Variants in DOCK9 observed in about 807,000 individuals in gnomAD.
DOCK9 encodes dedicator of cytokinesis protein 9.
In DOCK9, 89 loss-of-function variants were observed where a neutral mutation model predicts 263.3. That is an observed-to-expected ratio of 0.34 (90% CI 0.28 to 0.40). The LOEUF (loss-of-function observed/expected upper bound fraction) is 0.40, where lower values mean the gene tolerates loss of function less well. Ranked by LOEUF, DOCK9 falls within the 10% of genes least tolerant of loss-of-function variation. The pLI is 1.00. For missense variants in DOCK9, 2,140 were observed against 2,603.4 expected, an observed-to-expected ratio of 0.82 and a Z score of 3.87; for synonymous variants, 976 against 973.1, an observed-to-expected ratio of 1.00 and a Z score of -0.06.
chr13:98,846,843 A>G, intron 37 of DOCK9: 1 of 351,286 alleles, frequency 2.8e-6, no homozygotes, highest in Non-Finnish European at 5.6e-6. Context: ...GCAAACATGT[A>G]CAAGGTTCAC....
At chr13:98,796,988 TG>T in intron 52 of DOCK9, 126 bp downstream of exon 52, 1 of 964,892 alleles carries the variant, frequency 1.0e-6, no homozygotes. Context: ...GGCAGGAGTG[TG>T]GTATGCTACA....
chr13:98,944,185 C>A (rs1433182505), intron 2 of DOCK9, among the ~76,000 whole-genome samples: 10 of 152,090 alleles, frequency 6.6e-5, no homozygotes, highest in African/African-American at 2.4e-4. Flanking sequence ...TGATGGACTA[C>A]TGGGTTCATC....
At chr13:99,035,062 T>C (rs1022417009) in intron 1 of DOCK9, among the ~76,000 whole-genome samples, 2 of 152,252 alleles carry the variant, frequency 1.3e-5, no homozygotes, top group Non-Finnish European at 2.9e-5. Context: ...GAATCTGTGT[T>C]TCTGTCTTCT....
At chr13:99,066,352 CT>C (rs11358212) in intron 1 of DOCK9, among the ~76,000 whole-genome samples, 37,494 of 151,968 alleles carry the variant, frequency 0.25, 4,681 homozygotes, top group Middle Eastern at 0.35. Context: ...TAAAAAAAGA[CT>C]GAATTTTCTT....
At chr13:98,864,672 A>G (rs1229025448) in intron 30 of DOCK9, among the ~76,000 whole-genome samples, 1 of 152,142 alleles carries the variant, frequency 6.6e-6, no homozygotes, top group Non-Finnish European at 1.5e-5. Flanking sequence ...TCACACATCT[A>G]TGGTTGTGTG....
intron 18 of DOCK9, among the ~76,000 whole-genome samples, chr13:98,887,847 T>C (rs2138931141): frequency 6.6e-6 from 1 of 152,230 alleles, no homozygotes; most frequent in African/African-American, 2.4e-5. Context: ...ATTATTCATA[T>C]CCTAATTCTT....
chr13:98,964,146 G>A (rs1185708579), intron 1 of DOCK9, among the ~76,000 whole-genome samples: 1 of 152,194 alleles, frequency 6.6e-6, no homozygotes, highest in African/African-American at 2.4e-5. Flanking sequence ...GCAGTCAGAG[G>A]GAAGGCACAT....
chr13:98,858,414 G>A (rs1001429658), intron 33 of DOCK9: 1 of 152,124 alleles, frequency 6.6e-6, no homozygotes, highest in Non-Finnish European at 1.5e-5. Flanking sequence ...AAACTGTGAC[G>A]GCACATTCTC....
chr13:99,017,678 GGAA>G (rs1261576649), intron 1 of DOCK9, among the ~76,000 whole-genome samples: 9 of 152,092 alleles, frequency 5.9e-5, no homozygotes, highest in Admixed American at 4.6e-4. Context: ...GGACCACACT[GGAA>G]GAAGAATAAT....
rs143211566 is a variant in DOCK9, at chr13:99,070,284, A to G, written c.129+15939T>C. On this transcript the variant is annotated intron_variant, in intron 1 of 32. Coordinates refer to the DOCK9 transcript ENST00000427887. ...GTACAAACTTTCCTTCCAATATTCA[A>G]TGTATTTGCTTTTTCTTAATAGATT... is the stretch of plus-strand genomic sequence containing the variant. Among the ~76,000 whole-genome samples the G allele has an allele frequency of 4.9e-4, 75 of 152,298 alleles. 1 individual carries two copies. Among genetic ancestry groups the G allele is most frequent in the Non-Finnish European group, 1.0e-4 (7 of 68,016 alleles).
intron 1 of DOCK9, among the ~76,000 whole-genome samples, chr13:99,085,337 G>A (rs1310638062): frequency 6.6e-6 from 1 of 152,216 alleles, no homozygotes; most frequent in Non-Finnish European, 1.5e-5. Context: ...GCAACGCAAG[G>A]AGCTGCTAAA....
At chr13:99,069,583 T>C (rs529411034) in intron 1 of DOCK9, among the ~76,000 whole-genome samples, 9 of 152,360 alleles carry the variant, frequency 5.9e-5, no homozygotes, top group South Asian at 2.1e-4. Flanking sequence ...ATTTTGTTCT[T>C]GTCTTTATAA....
intron 1 of DOCK9, among the ~76,000 whole-genome samples, chr13:99,009,113 T>C (rs528963389): frequency 6.6e-6 from 1 of 152,328 alleles, no homozygotes; most frequent in East Asian, 1.9e-4. Context: ...TATACTTTAA[T>C]AAATATTAAA....
chr13:98,963,177 T>C (rs550658658), intron 1 of DOCK9, among the ~76,000 whole-genome samples: 8 of 152,110 alleles, frequency 5.3e-5, no homozygotes, highest in Non-Finnish European at 1.2e-4. Context: ...ACACCTCCCA[T>C]GGGGGCCAGA....
chr13:98,967,792 A>G (rs2059354927), intron 1 of DOCK9, among the ~76,000 whole-genome samples: 1 of 152,210 alleles, frequency 6.6e-6, no homozygotes, highest in Non-Finnish European at 1.5e-5. Context: ...TTCCACTTCA[A>G]AAATATTAAA....
At chr13:98,974,164 G>A (rs1472268180) in intron 1 of DOCK9, among the ~76,000 whole-genome samples, 1 of 152,136 alleles carries the variant, frequency 6.6e-6, no homozygotes, top group East Asian at 1.9e-4. Context: ...GAGTTTTGAA[G>A]GGGGGTGGCG....
At chr13:98,815,910 TC>T (rs2091801725) in intron 45 of DOCK9, among the ~76,000 whole-genome samples, 1 of 152,200 alleles carries the variant, frequency 6.6e-6, no homozygotes. Context: ...GAGTCTTAAC[TC>T]CACGCCATAC....
chr13:98,850,972 G>T (rs528339594), intron 35 of DOCK9, among the ~76,000 whole-genome samples: 31 of 152,296 alleles, frequency 2.0e-4, no homozygotes, highest in African/African-American at 7.0e-4. Flanking sequence ...AAGCAGAGAC[G>T]GTGGCTATGG....
upstream of DOCK9, among the ~76,000 whole-genome samples, chr13:98,982,631 C>T (rs1019624395): frequency 6.6e-6 from 1 of 152,208 alleles, no homozygotes; most frequent in Non-Finnish European, 1.5e-5. Context: ...ATTTGCTGAA[C>T]TGAATGCTGA....
Sources: allele counts gnomAD v4.1 joint callset (sites outside exome capture counted in the v4.1 genomes callset), GRCh38; gene constraint gnomAD v4.1.1; transcripts MANE v1.5; gene names NCBI Gene and HGNC (gene_info 2026-07-23, HGNC 2026-07-21).